Variants in LAPTM4B observed in about 807,000 individuals in gnomAD.
LAPTM4B encodes lysosomal-associated transmembrane protein 4B.
Under a neutral mutation model 28.5 loss-of-function variants are expected in LAPTM4B, and 26 were observed. The observed-to-expected ratio is 0.91, with a 90% CI of 0.67 to 1.27. The LOEUF (loss-of-function observed/expected upper bound fraction) is 1.27. LAPTM4B is among the 50% of genes most tolerant of loss of function. The probability of loss-of-function intolerance (pLI) is 0.00; values close to 1 mark genes in which losing one functional copy is unlikely to be tolerated. For synonymous variants in LAPTM4B, 109 were observed against 106.4 expected (o/e 1.02, Z -0.15); for missense variants, 288 against 285.8 (o/e 1.01, Z -0.06).
intron 6 of LAPTM4B, among the ~76,000 whole-genome samples, chr8:97,839,287 CA>C (rs1473497441): frequency 6.6e-6 from 1 of 152,096 alleles, no homozygotes; most frequent in Non-Finnish European, 1.5e-5. Flanking sequence ...CTCCACCTCC[CA>C]GTTCAAGCGA....
chr8:97,797,801 A>G (rs1816614537), intron 1 of LAPTM4B, among the ~76,000 whole-genome samples: 1 of 152,218 alleles, frequency 6.6e-6, no homozygotes, highest in South Asian at 2.1e-4. Context: ...TTATGGGTGA[A>G]AAGGACTTTG....
intron 5 of LAPTM4B, among the ~76,000 whole-genome samples, chr8:97,824,332 A>G (rs1817059015): frequency 6.6e-6 from 1 of 152,116 alleles, no homozygotes; most frequent in Admixed American, 6.6e-5. Flanking sequence ...TTAGCAATCT[A>G]GTTTCTCTAT....
At chr8:97,804,551 T>C (rs189463104) in intron 1 of LAPTM4B, among the ~76,000 whole-genome samples, 140 of 152,348 alleles carry the variant, frequency 9.2e-4, no homozygotes, top group African/African-American at 3.1e-3. Context: ...CAGTTTGCTA[T>C]GTATAACATG....
In LAPTM4B at chr8:97,824,612, C is replaced by T. The variant is rs1054029123; in HGVS notation, c.508-446C>T. 1.1e-4 allele frequency among the ~76,000 whole-genome samples: 17 copies of T among 151,994 alleles called. 1 individual carries two copies. The highest frequency in any genetic ancestry group is 1.0e-3 in the Admixed American group (16 of 15,258). On this transcript the variant is annotated intron_variant, in intron 5 of 6. Transcript: ENST00000521545. The stretch of plus-strand genomic sequence containing the variant: ...TATGCTATGAAATTTTTAAAAAAAT[C>T]GACTTGTGTAATAAAATCACAGATA...
chr8:97,795,231 C>T (rs1816563865), intron 1 of LAPTM4B, among the ~76,000 whole-genome samples: 1 of 152,142 alleles, frequency 6.6e-6, no homozygotes, highest in African/African-American at 2.4e-5. Context: ...TCCAGAGTAG[C>T]TGGGACCACA....
At chr8:97,801,907 T>C (rs540623308) in intron 1 of LAPTM4B, among the ~76,000 whole-genome samples, 1 of 150,712 alleles carries the variant, frequency 6.6e-6, no homozygotes, top group South Asian at 2.1e-4. Flanking sequence ...GTTTATCAAA[T>C]AACATCTTTG....
chr8:97,822,654 G>A (rs181752940), intron 5 of LAPTM4B, among the ~76,000 whole-genome samples: 1 of 151,404 alleles, frequency 6.6e-6, no homozygotes, highest in African/African-American at 2.4e-5. Flanking sequence ...ACTCATTGAT[G>A]TATTTATACA....
chr8:97,813,634 T>G (rs1816860638), intron 2 of LAPTM4B, among the ~76,000 whole-genome samples: 1 of 152,378 alleles, frequency 6.6e-6, no homozygotes, highest in African/African-American at 2.4e-5. Context: ...AAGAAGGAGT[T>G]AGATCAGCTC....
intron 1 of LAPTM4B, among the ~76,000 whole-genome samples, chr8:97,791,769 T>A (rs1369827504): frequency 6.6e-6 from 1 of 152,244 alleles, no homozygotes; most frequent in Non-Finnish European, 1.5e-5. Context: ...TTGAAAACTT[T>A]ATGCACCTGT....
At chr8:97,822,271 G>GT (rs1386916332) in intron 5 of LAPTM4B, among the ~76,000 whole-genome samples, 2 of 151,436 alleles carry the variant, frequency 1.3e-5, no homozygotes, top group East Asian at 3.9e-4. Context: ...ACTTCTGCTT[G>GT]TTTTTGGTCA....
intron 6 of LAPTM4B, among the ~76,000 whole-genome samples, chr8:97,830,669 C>T (rs1817170998): frequency 6.6e-6 from 1 of 152,054 alleles, no homozygotes; most frequent in African/African-American, 2.4e-5. Flanking sequence ...ACAGTTTTAT[C>T]CTGGAGCGAT....
chr8:97,816,405 C>G (rs1816916595), intron 4 of LAPTM4B, among the ~76,000 whole-genome samples: 1 of 152,062 alleles, frequency 6.6e-6, no homozygotes, highest in Non-Finnish European at 1.5e-5. Flanking sequence ...ACCTCTGCCT[C>G]CAGGGTCTCA....
At chr8:97,815,720 C>T (rs893677195) in intron 3 of LAPTM4B, among the ~76,000 whole-genome samples, 5 of 152,110 alleles carry the variant, frequency 3.3e-5, no homozygotes, top group Admixed American at 3.3e-4. Context: ...GTGTGTGCCA[C>T]CACACCTTGC....
chr8:97,818,673 G>C lies in LAPTM4B; in HGVS notation c.409-467G>C, dbSNP rs540772060. On this transcript the variant is annotated intron_variant, in intron 4 of 6. Transcript: ENST00000521545. ...GAAGACCTCATTTTAGTAGGTTTCTGTCCCTTGCCCTGCATATGCCCTTTA... is the reference window on the plus strand; with the variant it reads ...GAAGACCTCATTTTAGTAGGTTTCTCTCCCTTGCCCTGCATATGCCCTTTA... Among the ~76,000 whole-genome samples, 7 of 152,244 alleles carry C rather than the reference G, an allele frequency of 4.6e-5. No individual in the cohort carries two copies. The South Asian group carries it at 1.4e-3, about 32-fold the overall frequency.
At chr8:97,792,038 A>G (rs1189662918) in intron 1 of LAPTM4B, among the ~76,000 whole-genome samples, 1 of 152,164 alleles carries the variant, frequency 6.6e-6, no homozygotes, top group Non-Finnish European at 1.5e-5. Flanking sequence ...ATATTAAAAA[A>G]TTATATCTGT....
At chr8:97,819,317 C>A in intron 5 of LAPTM4B, 79 bp downstream of exon 5, 2 of 843,136 alleles carry the variant, frequency 2.4e-6, no homozygotes, top group South Asian at 3.4e-5. Context: ...AAACTTTGGT[C>A]AGTTTATTGT....
chr8:97,839,335 A>G (rs1817310881), intron 6 of LAPTM4B, among the ~76,000 whole-genome samples: 1 of 152,074 alleles, frequency 6.6e-6, no homozygotes, highest in Non-Finnish European at 1.5e-5. Flanking sequence ...CTGGGATTAC[A>G]GGCATGTGTT....
intron 1 of LAPTM4B, among the ~76,000 whole-genome samples, chr8:97,783,183 G>A (rs1816350100): frequency 6.6e-6 from 1 of 150,724 alleles, no homozygotes; most frequent in African/African-American, 2.4e-5. Flanking sequence ...AGGGTAGTTA[G>A]CCATATATCA....
intron 1 of LAPTM4B, among the ~76,000 whole-genome samples, chr8:97,792,422 T>A (rs1816514330): frequency 6.6e-6 from 1 of 151,992 alleles, no homozygotes; most frequent in Non-Finnish European, 1.5e-5. Context: ...AACCAGCTAA[T>A]TATTTGTATT....
Sources: allele counts gnomAD v4.1 joint callset (sites outside exome capture counted in the v4.1 genomes callset), GRCh38; gene constraint gnomAD v4.1.1; transcripts MANE v1.5; gene names NCBI Gene and HGNC (gene_info 2026-07-23, HGNC 2026-07-21).